Variants in SBF2 observed in about 807,000 individuals in gnomAD.
SBF2 encodes the protein myotubularin-related protein 13.
SBF2 carries 112 observed loss-of-function variants against 225.2 expected under a neutral mutation model. The ratio of observed to expected loss-of-function variants is 0.50; its 90% confidence interval spans 0.43 to 0.58. The LOEUF (loss-of-function observed/expected upper bound fraction) is 0.58, where lower values mean the gene tolerates loss of function less well. Ranked by LOEUF, SBF2 falls within the 20% of genes least tolerant of loss-of-function variation. The pLI, the probability that SBF2 is intolerant of heterozygous loss-of-function variation, is 0.00. For missense variants in SBF2, 1,996 were observed against 2,206.2 expected (o/e 0.90, Z 1.91); for synonymous variants, 763 against 773.3 (o/e 0.99, Z 0.22).
At chr11:9,830,759 C>A (rs1396217513) in intron 27 of SBF2, among the ~76,000 whole-genome samples, 56 of 127,996 alleles carry the variant, frequency 4.4e-4, no homozygotes, top group African/African-American at 6.0e-4. Context: ...AAAAAAAAAA[C>A]AAAAACAAAA....
At chr11:9,892,214 G>C (rs1345712647) in intron 17 of SBF2, among the ~76,000 whole-genome samples, 1 of 152,074 alleles carries the variant, frequency 6.6e-6, no homozygotes, top group Non-Finnish European at 1.5e-5. Context: ...TGCCTCCTGA[G>C]TTCAAGTGAT....
intron 1 of SBF2, among the ~76,000 whole-genome samples, chr11:10,245,233 A>G (rs1252419247): frequency 6.6e-6 from 1 of 152,080 alleles, no homozygotes; most frequent in African/African-American, 2.4e-5. Flanking sequence ...AGTGGAAAAC[A>G]TTACTCATAA....
In SBF2 at chr11:9,784,333, T is replaced by C. The variant is rs577375809; in HGVS notation, c.5319+18A>G. ...TAGCCTAGACAGAAGTAATTTCTTT[T>C]GGCTTTAAGAGTATTACCTGATGTT... On this transcript the variant is annotated intron_variant, in intron 38 of 39. Transcript: ENST00000256190. The C allele has an allele frequency of 3.8e-6, 6 of 1,587,378 alleles. No homozygotes were observed. The highest frequency in any genetic ancestry group is 3.3e-4 in the Middle Eastern group (2 of 6,018).
intron 16 of SBF2, among the ~76,000 whole-genome samples, chr11:9,935,649 A>ACC (rs1400591602): frequency 6.6e-6 from 1 of 152,142 alleles, no homozygotes; most frequent in Non-Finnish European, 1.5e-5. Context: ...CAGAAATATC[A>ACC]CCACACATCT....
intron 1 of SBF2, among the ~76,000 whole-genome samples, chr11:10,206,524 C>G (rs546415943): frequency 2.0e-4 from 31 of 151,874 alleles, no homozygotes; most frequent in Admixed American, 2.0e-3. Context: ...TAACTGATGC[C>G]AACACAGACA....
intron 1 of SBF2, among the ~76,000 whole-genome samples, chr11:10,257,367 G>T (rs1195122286): frequency 1.3e-5 from 2 of 152,090 alleles, no homozygotes; most frequent in African/African-American, 2.4e-5. Context: ...GACCAAATAG[G>T]CATAAGAAAT....
chr11:9,934,214 T>G (rs1194761982), intron 16 of SBF2, among the ~76,000 whole-genome samples: 1 of 152,136 alleles, frequency 6.6e-6, no homozygotes, highest in East Asian at 1.9e-4. Context: ...CTAGAAGAAA[T>G]GGATAAATTC....
At chr11:10,293,420 A>G (rs1252257136) in intron 1 of SBF2, among the ~76,000 whole-genome samples, 1 of 152,214 alleles carries the variant, frequency 6.6e-6, no homozygotes, top group Non-Finnish European at 1.5e-5. Flanking sequence ...TGACCGTCAC[A>G]TTTGTCCTGA....
chr11:10,149,319 A>G (rs1336113730), intron 2 of SBF2: 1 of 152,048 alleles, frequency 6.6e-6, no homozygotes, highest in Non-Finnish European at 1.5e-5. Context: ...TTTTTGCTCA[A>G]AGCCTTCTTA....
chr11:10,229,302 G>C (rs945762696), intron 1 of SBF2, among the ~76,000 whole-genome samples: 1 of 152,010 alleles, frequency 6.6e-6, no homozygotes, highest in Non-Finnish European at 1.5e-5. Flanking sequence ...AGGGTTTTTT[G>C]TGTCTCTATT....
chr11:9,947,794 G>A lies in SBF2; in HGVS notation c.1860+14163C>T, dbSNP rs117977229. Among the ~76,000 whole-genome samples, 811 of 152,094 alleles carry A rather than the reference G, an allele frequency of 5.3e-3. 5 individuals carry two copies. Among genetic ancestry groups the A allele is most frequent in the Non-Finnish European group, 8.8e-3 (596 of 67,992 alleles). On this transcript the variant is annotated intron_variant, in intron 16 of 39. Transcript: ENST00000256190. ...CTACTATTAAAAAAAAAAATCAAGC[G>A]TTGGTGAGGATATGGAGAAACTGAA...
intron 2 of SBF2, among the ~76,000 whole-genome samples, chr11:10,187,658 C>G (rs1240321285): frequency 6.6e-6 from 1 of 151,494 alleles, no homozygotes; most frequent in Non-Finnish European, 1.5e-5. Context: ...TAGTGGGCAT[C>G]TAACTTGCTT....
At chr11:10,081,400 T>A (rs546633254) in intron 2 of SBF2, among the ~76,000 whole-genome samples, 1 of 152,118 alleles carries the variant, frequency 6.6e-6, no homozygotes, top group East Asian at 1.9e-4. Flanking sequence ...ACACAACATA[T>A]CAAAAACCTC....
chr11:10,061,995 C>G (rs906131644), intron 2 of SBF2, among the ~76,000 whole-genome samples: 2 of 151,984 alleles, frequency 1.3e-5, no homozygotes, highest in African/African-American at 4.8e-5. Flanking sequence ...CAAGCACAGA[C>G]ACACAGACCA....
At chr11:10,105,434 A>G (rs573808761) in intron 2 of SBF2, among the ~76,000 whole-genome samples, 1 of 152,354 alleles carries the variant, frequency 6.6e-6, no homozygotes, top group South Asian at 2.1e-4. Context: ...CCAATTTTCA[A>G]TTACTTCGTG....
chr11:10,045,628 T>G (rs541571802), intron 2 of SBF2, among the ~76,000 whole-genome samples: 39 of 152,338 alleles, frequency 2.6e-4, no homozygotes, highest in African/African-American at 9.1e-4. Context: ...TATTTAACTT[T>G]TCCTCCACAC....
At chr11:10,268,991 A>C (rs555923817) in intron 1 of SBF2, among the ~76,000 whole-genome samples, 1 of 152,226 alleles carries the variant, frequency 6.6e-6, no homozygotes, top group South Asian at 2.1e-4. Context: ...CTTAAGCAAT[A>C]CCTCATTAAG....
At chr11:9,817,797 G>A (rs1854537920) in intron 28 of SBF2, among the ~76,000 whole-genome samples, 1 of 149,110 alleles carries the variant, frequency 6.7e-6, no homozygotes, top group Admixed American at 6.7e-5. Context: ...TTGGGAGGCT[G>A]AAATGGGAGG....
At chr11:10,230,680 G>A (rs57895857) in intron 1 of SBF2, among the ~76,000 whole-genome samples, 2,222 of 152,276 alleles carry the variant, frequency 0.015, 43 homozygotes, top group African/African-American at 0.038. Flanking sequence ...TGAGAGATCC[G>A]CTGTTAGTCT....
Sources: gnomAD v4.1 joint callset for allele counts (sites outside exome capture counted in the v4.1 genomes callset) on GRCh38, gnomAD v4.1.1 for gene constraint, MANE v1.5 for transcripts, NCBI Gene and HGNC (gene_info 2026-07-23, HGNC 2026-07-21) for gene names.